The following TRA2B variants were observed in gnomAD, a reference collection of about 807,000 sequenced individuals.
TRA2B encodes transformer-2 protein homolog beta.
In TRA2B, 14 loss-of-function variants were observed where a neutral mutation model predicts 41.7. That is an observed-to-expected ratio of 0.34 (90% CI 0.22 to 0.53). TRA2B has a LOEUF of 0.53. Ranked by LOEUF, TRA2B falls within the 20% of genes least tolerant of loss-of-function variation. TRA2B has a pLI of 0.95. For missense variants in TRA2B, 167 were observed against 396.8 expected (o/e 0.42, Z 4.92); for synonymous variants, 130 against 128.8 (o/e 1.01, Z -0.06).
Position 185,937,935 on chromosome 3 carries a change from T to C in TRA2B, c.-75A>G. 7 of 1,580,026 alleles carry C rather than the reference T, an allele frequency of 4.4e-6. No homozygotes were observed. The highest frequency in any genetic ancestry group is 6.0e-6 in the Non-Finnish European group (7 of 1,157,050). ...CCTCTTGCACCTTCCTTAAGGAGGCTCCGCCGCAGCCCCGCACGACGCGCC... is the reference window on the plus strand; with the variant it reads ...CCTCTTGCACCTTCCTTAAGGAGGCCCCGCCGCAGCCCCGCACGACGCGCC... On this transcript the variant is annotated 5_prime_UTR_variant, in exon 1 of 9. Coordinates refer to ENST00000453386, the MANE Select transcript of TRA2B (RefSeq NM_004593.3).
chr3:185,931,081 G>A (rs986933543), intron 1 of TRA2B, among the ~76,000 whole-genome samples: 12 of 152,270 alleles, frequency 7.9e-5, no homozygotes, highest in African/African-American at 2.6e-4. Flanking sequence ...ACACACTAAT[G>A]CCAAAGGGAA....
intron 1 of TRA2B, chr3:185,937,165 CA>C: frequency 1.0e-6 from 1 of 985,438 alleles, no homozygotes. Context: ...TCATTTAGGC[CA>C]AACACAAAGC....
intron 7 of TRA2B, 124 bp from the exon 8 acceptor site, chr3:185,918,562 T>A: frequency 1.8e-6 from 1 of 558,528 alleles, no homozygotes; most frequent in Non-Finnish European, 3.1e-6. Context: ...GCATGAACCT[T>A]CAAGGTCTGT....
rs1743902695 is a variant in TRA2B at position 185,925,271 on chromosome 3, A to C, written c.333+193T>G. 2.2e-5 allele frequency: 13 copies of C among 584,748 alleles called. No individual in the cohort carries two copies. The South Asian group carries it at 2.7e-4, about 12-fold the overall frequency. 36.2% of individuals were successfully genotyped at this position (584,748 alleles called of 1,614,324 possible). A position where few individuals can be genotyped will look rare whatever the true frequency, so the allele number is the denominator to read the frequency against. On this transcript the variant is annotated intron_variant, in intron 3 of 8. Coordinates refer to ENST00000453386, the MANE Select transcript of TRA2B (RefSeq NM_004593.3). The stretch of plus-strand genomic sequence containing the variant: ...ACACCATTGTGTCAGTATTATGCTT[A>C]ATTGACAGGCAGCCCAAATGCAGAC...
chr3:185,926,796 G>A, intron 1 of TRA2B, 62 bp from the exon 2 acceptor site: 3 of 1,585,216 alleles, frequency 1.9e-6, no homozygotes, highest in Non-Finnish European at 1.7e-6. Context: ...AAACAAATAA[G>A]CTGCTGTGAG....
rs762775211 is a variant in TRA2B, at chr3:185,924,019, G to C, written c.334-35C>G. The C allele has an allele frequency of 7.7e-6, 12 of 1,566,582 alleles. No individual in the cohort carries two copies. The South Asian group carries it at 1.2e-4, about 16-fold the overall frequency. ...AAAAAAAGTTTTAAACTTTGGAAAA[G>C]TTGTCATAAAATCAAAGTTGTTTAA... is the stretch of plus-strand genomic sequence containing the variant. On this transcript the variant is annotated intron_variant, in intron 3 of 8. Transcript: ENST00000453386.
At chr3:185,919,611 A>T in intron 6 of TRA2B, 115 bp from the exon 7 acceptor site, 2 of 806,446 alleles carry the variant, frequency 2.5e-6, no homozygotes, top group Non-Finnish European at 3.7e-6. Context: ...TGTTTCTTGC[A>T]GGTCAAGTGA....
At chr3:185,924,690 T>TA (rs1743875886) in intron 3 of TRA2B, 1 of 152,408 alleles carries the variant, frequency 6.6e-6, no homozygotes, top group Non-Finnish European at 1.5e-5. Flanking sequence ...GGCATGCCTC[T>TA]AGTCCTAGCT....
At position 185,915,013 on chromosome 3, in the gene TRA2B, C is replaced by CT. The variant is rs1222981574; in HGVS notation, c.*2701dup. Among the ~76,000 whole-genome samples the CT allele has an allele frequency of 6.6e-6, 1 of 152,180 alleles. No individual in the cohort carries two copies. Among genetic ancestry groups the CT allele is most frequent in the African/African-American group, 2.4e-5 (1 of 41,454 alleles). On this transcript the variant is annotated 3_prime_UTR_variant, in exon 9 of 9. Coordinates refer to ENST00000453386, the MANE Select transcript of TRA2B (RefSeq NM_004593.3). ...AAACATTGCAGACCTTGAGCATTCT[C>CT]TAACATGTAGTTAGATTTCCATAAG...
At chr3:185,934,100 C>T (rs1046024780) in intron 1 of TRA2B, among the ~76,000 whole-genome samples, 1 of 152,110 alleles carries the variant, frequency 6.6e-6, no homozygotes, top group African/African-American at 2.4e-5. Context: ...ATTTCAATAT[C>T]TAATTCTACA....
At position 185,917,285 on chromosome 3, in the gene TRA2B, A is replaced by G. The variant is rs539029948; in HGVS notation, c.*430T>C. 1 of 161,264 alleles carries G rather than the reference A, an allele frequency of 6.2e-6. No individual in the cohort carries two copies. The highest frequency in any genetic ancestry group is 1.8e-4 in the East Asian group (1 of 5,478). 10.0% of individuals were successfully genotyped at this position (161,264 alleles called of 1,614,324 possible). ...TTTGTCTTTAAATTTACTACTGACA[A>G]TCTGAATAGTTCTGCTAAGCATTGA... is the stretch of plus-strand genomic sequence containing the variant. On this transcript the variant is annotated 3_prime_UTR_variant, in exon 9 of 9. Coordinates refer to ENST00000453386, the MANE Select transcript of TRA2B (RefSeq NM_004593.3).
In TRA2B at chr3:185,914,754, A is replaced by G. The variant is rs1386571244; in HGVS notation, c.*2961T>C. ...AGATGGCATGCTGAAGGAATATTGG[A>G]GGCGTGTCCACTGCTAATAAATCCA... On this transcript the variant is annotated 3_prime_UTR_variant, in exon 9 of 9. Transcript: ENST00000453386. 6.7e-6 allele frequency among the ~76,000 whole-genome samples: 1 copy of G among 148,376 alleles called. No homozygotes were observed. Among genetic ancestry groups the G allele is most frequent in the Non-Finnish European group, 1.5e-5 (1 of 67,710 alleles).
At chr3:185,918,481 A>T (rs886826382) in intron 7 of TRA2B, 43 bp from the exon 8 acceptor site, 1 of 1,374,280 alleles carries the variant, frequency 7.3e-7, no homozygotes. Flanking sequence ...AATAGATCAC[A>T]ATTAGACCAA....
chr3:185,919,967 C>A (rs959343231), intron 6 of TRA2B, among the ~76,000 whole-genome samples: 3 of 152,266 alleles, frequency 2.0e-5, no homozygotes, highest in Non-Finnish European at 4.4e-5. Context: ...TCAATACTTA[C>A]TAACTACATT....
chr3:185,928,298 G>A (rs957170263), intron 1 of TRA2B: 2 of 152,200 alleles, frequency 1.3e-5, no homozygotes, highest in African/African-American at 4.8e-5. Flanking sequence ...CTAGGCCCCA[G>A]ACGACTCTAG....
intron 5 of TRA2B, among the ~76,000 whole-genome samples, 152 bp downstream of exon 5, chr3:185,921,856 TCTA>T (rs1008462075): frequency 1.3e-5 from 2 of 152,196 alleles, no homozygotes; most frequent in Non-Finnish European, 2.9e-5. Flanking sequence ...TGGTTGAACT[TCTA>T]CTATGAGAAA....
chr3:185,918,911 C>G (rs1256597240), intron 7 of TRA2B, among the ~76,000 whole-genome samples: 1 of 152,088 alleles, frequency 6.6e-6, no homozygotes, highest in Non-Finnish European at 1.5e-5. Context: ...GATGCAGAGA[C>G]TGCAGTGAGC....
chr3:185,933,776 A>G (rs1203042812), intron 1 of TRA2B, among the ~76,000 whole-genome samples: 1 of 150,750 alleles, frequency 6.6e-6, no homozygotes, highest in Non-Finnish European at 1.5e-5. Flanking sequence ...GTGCTTATAA[A>G]AACTCTCTTG....
intron 5 of TRA2B, among the ~76,000 whole-genome samples, chr3:185,921,533 G>A (rs189298027): frequency 2.6e-3 from 396 of 152,268 alleles, no homozygotes; most frequent in African/African-American, 9.2e-3. Context: ...GGGAGGCCGA[G>A]GCGGGCAGAT....
Sources: allele counts gnomAD v4.1 joint callset (sites outside exome capture counted in the v4.1 genomes callset), GRCh38; gene constraint gnomAD v4.1.1; transcripts MANE v1.5; gene names NCBI Gene and HGNC (gene_info 2026-07-23, HGNC 2026-07-21).